Variants in CTNNA3 observed in about 807,000 individuals in gnomAD.
The protein encoded by CTNNA3 is catenin alpha 3, also known as catenin alpha-3.
Under a neutral mutation model 95.7 loss-of-function variants are expected in CTNNA3, and 76 were observed. That is an observed-to-expected ratio of 0.79 (90% CI 0.66 to 0.96). The LOEUF (loss-of-function observed/expected upper bound fraction) is 0.96, where lower values mean the gene tolerates loss of function less well. Among genes scored for constraint, CTNNA3 ranks in the 40% least tolerant of loss-of-function variants. CTNNA3 has a pLI of 0.00. For synonymous variants in CTNNA3, 431 were observed against 374.4 expected (o/e 1.15, Z -1.74); for missense variants, 1,191 against 1,089.8 (o/e 1.09, Z -1.31).
chr10:66,944,253 A>G (rs1324753807), intron 7 of CTNNA3, among the ~76,000 whole-genome samples: 1 of 152,206 alleles, frequency 6.6e-6, no homozygotes, highest in African/African-American at 2.4e-5. Flanking sequence ...AACAATATTC[A>G]CAACATCTTC....
chr10:66,698,184 A>G (rs1847831692), intron 9 of CTNNA3, among the ~76,000 whole-genome samples: 1 of 152,210 alleles, frequency 6.6e-6, no homozygotes, highest in Non-Finnish European at 1.5e-5. Context: ...TTCTTAATAT[A>G]AAATCTTCCA....
chr10:66,196,491 T>A (rs777738089), intron 13 of CTNNA3, among the ~76,000 whole-genome samples: 1 of 152,150 alleles, frequency 6.6e-6, no homozygotes, highest in Non-Finnish European at 1.5e-5. Context: ...CATGCCTCTG[T>A]ATATCAGAGG....
At chr10:67,188,133 G>T (rs909115696) in intron 6 of CTNNA3, among the ~76,000 whole-genome samples, 1 of 152,206 alleles carries the variant, frequency 6.6e-6, no homozygotes, top group African/African-American at 2.4e-5. Flanking sequence ...TAAATAAAAA[G>T]AGTAGTTAGT....
intron 2 of CTNNA3, among the ~76,000 whole-genome samples, chr10:67,623,150 A>G (rs1027811280): frequency 5.9e-5 from 9 of 152,234 alleles, no homozygotes; most frequent in African/African-American, 2.2e-4. Context: ...TAAAACCAAG[A>G]AAGCATAAGT....
In CTNNA3 at chr10:67,330,238, C is replaced by G. The variant is rs141477308; in HGVS notation, c.580-110368G>C. Among the ~76,000 whole-genome samples, 43 of 152,310 alleles carry G rather than the reference C, an allele frequency of 2.8e-4. 1 individual carries two copies. Among genetic ancestry groups the G allele is most frequent in the African/African-American group, 9.6e-4 (40 of 41,560 alleles). ...GAGGCAACATCTCACTGTCACATCT[C>G]TCTCCTGCATGTTTCCCAAAACTCA... is the stretch of plus-strand genomic sequence containing the variant. On this transcript the variant is annotated intron_variant, in intron 5 of 17. Transcript: ENST00000433211.
intron 7 of CTNNA3, among the ~76,000 whole-genome samples, chr10:66,865,509 T>C (rs1844138719): frequency 6.6e-6 from 1 of 152,110 alleles, no homozygotes; most frequent in African/African-American, 2.4e-5. Context: ...TTCCTTGAAA[T>C]AAATTTTAAT....
At position 66,547,343 on chromosome 10, in the gene CTNNA3, C is replaced by CTTT. The variant is rs1246714246; in HGVS notation, c.1375-26573_1375-26571dup. 9.6e-4 allele frequency among the ~76,000 whole-genome samples: 80 copies of CTTT among 83,170 alleles called. 21 individuals are homozygous for CTTT. In the South Asian group the frequency reaches 9.7e-3, roughly 10 times the overall value. The allele number at this position is 83,170 out of a possible 152,430, so 54.6% of individuals were successfully genotyped here. ...ATTCTTGTTCCTTTGATTTTTCTTTCTTTCTTTTTTTTTTTTTTGAGATAG... is the reference window on the plus strand; with the variant it reads ...ATTCTTGTTCCTTTGATTTTTCTTTCTTTTTTCTTTTTTTTTTTTTTGAGATAG... On this transcript the variant is annotated intron_variant, in intron 10 of 17. Transcript: ENST00000433211.
intron 13 of CTNNA3, among the ~76,000 whole-genome samples, chr10:66,113,853 T>C (rs1367916459): frequency 6.6e-6 from 1 of 152,196 alleles, no homozygotes; most frequent in Non-Finnish European, 1.5e-5. Context: ...TGTAGGATGA[T>C]GTGAGGGTTC....
chr10:67,501,543 T>C (rs778621189), intron 5 of CTNNA3, among the ~76,000 whole-genome samples: 4 of 152,212 alleles, frequency 2.6e-5, no homozygotes, highest in Non-Finnish European at 4.4e-5. Context: ...TCCTGGTTAG[T>C]ATCCTGAAGA....
At chr10:66,397,319 A>G (rs150668421) in intron 11 of CTNNA3, among the ~76,000 whole-genome samples, 97 of 151,908 alleles carry the variant, frequency 6.4e-4, no homozygotes, top group African/African-American at 1.4e-3. Flanking sequence ...GGCTTAGGGA[A>G]CTAAGCAAAC....
At chr10:67,441,753 A>G (rs1402968552) in intron 5 of CTNNA3, among the ~76,000 whole-genome samples, 1 of 152,144 alleles carries the variant, frequency 6.6e-6, no homozygotes, top group Non-Finnish European at 1.5e-5. Context: ...TTCCTGGACA[A>G]AGAAAAGCTG....
chr10:66,696,476 C>T (rs1847768344), intron 9 of CTNNA3, among the ~76,000 whole-genome samples: 1 of 152,050 alleles, frequency 6.6e-6, no homozygotes, highest in African/African-American at 2.4e-5. Flanking sequence ...TATGAGAATG[C>T]CTTTAAAGTG....
At chr10:67,047,099 C>T (rs1048204137) in intron 7 of CTNNA3, among the ~76,000 whole-genome samples, 2 of 152,118 alleles carry the variant, frequency 1.3e-5, no homozygotes, top group African/African-American at 4.8e-5. Context: ...AGACAGAGGA[C>T]AATGAAGACA....
chr10:66,462,128 A>G (rs952074277), intron 11 of CTNNA3, among the ~76,000 whole-genome samples: 5 of 152,034 alleles, frequency 3.3e-5, no homozygotes, highest in Admixed American at 2.6e-4. Context: ...CCAATTATTA[A>G]TTCTAGAAAA....
chr10:66,718,139 C>CTTTTT (rs5785781), intron 9 of CTNNA3, among the ~76,000 whole-genome samples: 1 of 149,782 alleles, frequency 6.7e-6, no homozygotes, highest in Non-Finnish European at 1.5e-5. Flanking sequence ...CTGTATTAAC[C>CTTTTT]TTTTTTTTTT....
intron 7 of CTNNA3, among the ~76,000 whole-genome samples, chr10:66,854,312 G>A (rs986200554): frequency 1.5e-5 from 2 of 132,824 alleles, no homozygotes; most frequent in Middle Eastern, 3.8e-3. Flanking sequence ...TCAAATTGTT[G>A]CTTTCTTCAT....
chr10:67,193,129 T>C (rs1863194964), intron 6 of CTNNA3, among the ~76,000 whole-genome samples: 1 of 151,920 alleles, frequency 6.6e-6, no homozygotes, highest in Admixed American at 6.6e-5. Context: ...AATGGGGAGA[T>C]GTTGACCAGT....
chr10:65,955,401 C>G (rs1290745980), intron 17 of CTNNA3, among the ~76,000 whole-genome samples: 1 of 152,126 alleles, frequency 6.6e-6, no homozygotes, highest in Non-Finnish European at 1.5e-5. Context: ...CCTGATTGCC[C>G]TGGCCAGAAC....
At chr10:67,619,545 T>C (rs1420990832) in intron 2 of CTNNA3, among the ~76,000 whole-genome samples, 1 of 152,236 alleles carries the variant, frequency 6.6e-6, no homozygotes, top group Non-Finnish European at 1.5e-5. Context: ...AAAATCATTT[T>C]CTAAATCCTT....
Sources: allele counts gnomAD v4.1 joint callset (sites outside exome capture counted in the v4.1 genomes callset), GRCh38; gene constraint gnomAD v4.1.1; transcripts MANE v1.5; gene names NCBI Gene and HGNC (gene_info 2026-07-23, HGNC 2026-07-21).